The following PDCD4 variants were observed in gnomAD, a reference collection of about 807,000 sequenced individuals.
The protein encoded by PDCD4 is programmed cell death 4, also known as programmed cell death protein 4.
PDCD4 carries 56 observed loss-of-function variants against 54.0 expected under a neutral mutation model. The observed-to-expected ratio is 1.04, with a 90% CI of 0.84 to 1.30. PDCD4 has a LOEUF of 1.30. Among genes scored for constraint, PDCD4 ranks in the 50% most tolerant of loss-of-function variants. The probability of loss-of-function intolerance (pLI) is 0.00; values close to 1 mark genes in which losing one functional copy is unlikely to be tolerated. For synonymous variants in PDCD4, 186 were observed against 194.8 expected, an observed-to-expected ratio of 0.95 and a Z score of 0.37; for missense variants, 584 against 559.8, an observed-to-expected ratio of 1.04 and a Z score of -0.44.
intron 8 of PDCD4, 68 bp downstream of exon 8, chr10:110,890,738 C>G: frequency 2.1e-6 from 2 of 944,414 alleles, no homozygotes; most frequent in African/African-American, 1.6e-5. Flanking sequence ...ATTGTGGCTA[C>G]TAGCTGGTAT....
At position 110,891,013 on chromosome 10, in the gene PDCD4, T is replaced by C. The variant is rs188265198; in HGVS notation, c.990+343T>C. The C allele has an allele frequency of 5.7e-4, 99 of 174,600 alleles. No homozygotes were observed. In the East Asian group the frequency reaches 0.011, roughly 19 times the overall value. 10.8% of individuals were successfully genotyped at this position (174,600 alleles called of 1,614,324 possible). Reference sequence around the variant, plus strand: ...TGTTTTAGCTATTCAATAAATACGCTTTTATATGAGCAATTTAAAACTAGA... The same window carrying C: ...TGTTTTAGCTATTCAATAAATACGCCTTTATATGAGCAATTTAAAACTAGA... On this transcript the variant is annotated intron_variant, in intron 8 of 11. Coordinates refer to ENST00000280154, the MANE Select transcript of PDCD4 (RefSeq NM_014456.5).
At chr10:110,894,803 C>T (rs1294184980) in intron 10 of PDCD4, among the ~76,000 whole-genome samples, 1 of 145,752 alleles carries the variant, frequency 6.9e-6, no homozygotes, top group African/African-American at 2.5e-5. Context: ...GTGACAATTT[C>T]TATTTTATAT....
intron 11 of PDCD4, 65 bp from the exon 12 acceptor site, chr10:110,897,963 T>G: frequency 8.6e-7 from 1 of 1,160,840 alleles, no homozygotes; most frequent in Non-Finnish European, 1.2e-6. Flanking sequence ...TTTTTAATTT[T>G]TTTATATATT....
Position 110,876,082 on chromosome 10 carries a change from T to C in PDCD4, c.43+12T>C, listed in dbSNP as rs1288591479. On this transcript the variant is annotated intron_variant, in intron 2 of 11. Coordinates refer to ENST00000280154, the MANE Select transcript of PDCD4 (RefSeq NM_014456.5). The stretch of plus-strand genomic sequence containing the variant: ...TGTAAACCCTGCAGGTAAGTAAGGA[T>C]ATCCTTTTTTCTTTTTTTCTTCGTT... The C allele has an allele frequency of 2.5e-6, 4 of 1,600,602 alleles. No homozygotes were observed. The highest frequency in any genetic ancestry group is 3.4e-6 in the Non-Finnish European group (4 of 1,171,402).
At chr10:110,897,921 T>G in intron 11 of PDCD4, 107 bp from the exon 12 acceptor site, 2 of 641,114 alleles carry the variant, frequency 3.1e-6, no homozygotes, top group Non-Finnish European at 5.0e-6. Context: ...GAAAACCCTT[T>G]AAAAGCTAAC....
chr10:110,885,261 T>A lies in PDCD4; in HGVS notation c.450T>A (p.Cys150Ter). 6.6e-7 allele frequency: 1 copy of A among 1,509,318 alleles called. No individual in the cohort carries two copies. Among genetic ancestry groups the A allele is most frequent in the Non-Finnish European group, 9.2e-7 (1 of 1,088,762 alleles). 93.5% of individuals were successfully genotyped at this position (1,509,318 alleles called of 1,614,324 possible). The change falls in exon 5 of 12, where the codon TGT becomes TGA. Residue 150 changes from cysteine to a stop codon, truncating the protein, a stop_gained. Transcript: ENST00000280154. LOFTEE classifies it high-confidence loss of function. ...DPNYDDDQEN[C>*]VYETVVLPLD... ...CCCTTTTCCCCTCAAAGGAGAACTG[T>A]GTTTATGAAACTGTAGTTTTGCCTT...
Position 110,885,014 on chromosome 10 carries a change from T to A in PDCD4, c.442-239T>A, listed in dbSNP as rs1845647435. ...TCTTGCTATGTTTCCCAGGCTAGTA[T>A]TGAACTCCAGGCCTCAAGTGAACCT... On this transcript the variant is annotated intron_variant, in intron 4 of 11. Coordinates refer to ENST00000280154, the MANE Select transcript of PDCD4 (RefSeq NM_014456.5). The A allele has an allele frequency of 9.3e-6, 3 of 321,718 alleles. No homozygotes were observed. The South Asian group carries it at 2.1e-4, about 23-fold the overall frequency. The allele number at this position is 321,718 out of a possible 1,614,324, so 19.9% of individuals were successfully genotyped here. A position where few individuals can be genotyped will look rare whatever the true frequency, so the allele number is the denominator to read the frequency against.
chr10:110,895,827 TTC>T, intron 10 of PDCD4, 119 bp from the exon 11 acceptor site: 1 of 680,650 alleles, frequency 1.5e-6, no homozygotes, highest in Non-Finnish European at 2.4e-6. Context: ...CAAATCTGAC[TTC>T]AGTTTAACCA....
At chr10:110,881,722 G>A (rs538052764) in intron 3 of PDCD4, among the ~76,000 whole-genome samples, 187 bp downstream of exon 3, 4 of 152,254 alleles carry the variant, frequency 2.6e-5, no homozygotes, top group African/African-American at 9.6e-5. Flanking sequence ...TCTTTAGGTT[G>A]ATGTTTTTTC....
chr10:110,887,397 A>G (rs546173208), intron 5 of PDCD4, among the ~76,000 whole-genome samples: 1 of 152,204 alleles, frequency 6.6e-6, no homozygotes, highest in Non-Finnish European at 1.5e-5. Flanking sequence ...GTCGTGACCC[A>G]TGACAGTATT....
At chr10:110,874,281 T>A (rs1165180357) in intron 1 of PDCD4, among the ~76,000 whole-genome samples, 3 of 152,256 alleles carry the variant, frequency 2.0e-5, no homozygotes, top group Non-Finnish European at 2.9e-5. Flanking sequence ...ATCATTTCGC[T>A]TATTAGGTTC....
chr10:110,887,921 C>T (rs1416826145), intron 6 of PDCD4, 35 bp downstream of exon 6: 2 of 1,351,244 alleles, frequency 1.5e-6, no homozygotes, highest in African/African-American at 2.9e-5. Context: ...CATTCCCTCC[C>T]ACTACTATAT....
rs367766122 is a variant in PDCD4, at chr10:110,872,712, T to C, written c.-63+694T>C. Among the ~76,000 whole-genome samples, 488 of 152,326 alleles carry C rather than the reference T, an allele frequency of 3.2e-3. 26 individuals carry two copies. The South Asian group carries it at 0.093, about 29-fold the overall frequency. Reference sequence around the variant, plus strand: ...CCCTGCGCGAACTTCGTCGCGCCCGTCTTCCGGCAAAGGGTCTCTTTTTTT... The same window carrying C: ...CCCTGCGCGAACTTCGTCGCGCCCGCCTTCCGGCAAAGGGTCTCTTTTTTT... On this transcript the variant is annotated intron_variant, in intron 1 of 11. Coordinates refer to ENST00000280154, the MANE Select transcript of PDCD4 (RefSeq NM_014456.5).
chr10:110,879,388 T>C (rs1025246046), intron 2 of PDCD4, among the ~76,000 whole-genome samples: 1 of 152,106 alleles, frequency 6.6e-6, no homozygotes, highest in Non-Finnish European at 1.5e-5. Flanking sequence ...ACATTTTGGC[T>C]GGGTGCGGTG....
At chr10:110,889,512 T>C (rs762786823) in intron 6 of PDCD4, 21 bp from the exon 7 acceptor site, 16 of 1,171,946 alleles carry the variant, frequency 1.4e-5, no homozygotes, top group Non-Finnish European at 1.7e-5. Context: ...TTTATAGCTC[T>C]TTTTTTTTTC....
chr10:110,896,169 G>A lies in PDCD4; in HGVS notation c.1349+82G>A, dbSNP rs1308801252. 38 of 1,036,472 alleles carry A rather than the reference G, an allele frequency of 3.7e-5. No individual in the cohort carries two copies. The South Asian group carries it at 4.5e-4, about 12-fold the overall frequency. The allele number at this position is 1,036,472 out of a possible 1,614,324, so 64.2% of individuals were successfully genotyped here. A position where few individuals can be genotyped will look rare whatever the true frequency, so the allele number is the denominator to read the frequency against. ...AGGTTAACTGCTAAGTTAGTTTATC[G>A]TTCCCTGAAGTCACTGAAGAACGTG... is the stretch of plus-strand genomic sequence containing the variant. On this transcript the variant is annotated intron_variant, in intron 11 of 11. Coordinates refer to ENST00000280154, the MANE Select transcript of PDCD4 (RefSeq NM_014456.5).
At chr10:110,894,389 T>A in intron 9 of PDCD4, 23 bp from the exon 10 acceptor site, 1 of 1,256,272 alleles carries the variant, frequency 8.0e-7, no homozygotes, top group Non-Finnish European at 1.2e-6. Context: ...AACCAAAAAT[T>A]CACTCATTGA....
chr10:110,887,584 C>A (rs1845687047), intron 5 of PDCD4, 81 bp from the exon 6 acceptor site: 3 of 938,852 alleles, frequency 3.2e-6, no homozygotes. Flanking sequence ...GATAAAAGCT[C>A]AATTTTTCAA....
chr10:110,884,976 T>A, intron 4 of PDCD4: 1 of 223,172 alleles, frequency 4.5e-6, no homozygotes, highest in East Asian at 9.3e-5. Flanking sequence ...AAAACTTTTT[T>A]GTAGAGACAG....
Sources: gnomAD v4.1 joint callset for allele counts (sites outside exome capture counted in the v4.1 genomes callset) on GRCh38, gnomAD v4.1.1 for gene constraint, MANE v1.5 for transcripts, NCBI Gene and HGNC (gene_info 2026-07-23, HGNC 2026-07-21) for gene names.